The following PALM2AKAP2 variants were observed in gnomAD, a reference collection of about 807,000 sequenced individuals.
PALM2AKAP2 encodes the protein PALM2 and AKAP2 fusion.
In PALM2AKAP2, 37 loss-of-function variants were observed where a neutral mutation model predicts 71.5. That is an observed-to-expected ratio of 0.52 (90% CI 0.40 to 0.68). The LOEUF is 0.68. Among genes scored for constraint, PALM2AKAP2 ranks in the 30% least tolerant of loss-of-function variants. PALM2AKAP2 has a pLI of 0.00. For missense variants in PALM2AKAP2, 1,224 were observed against 1,191.8 expected (o/e 1.03, Z -0.40); for synonymous variants, 468 against 478.8 (o/e 0.98, Z 0.29).
chr9:109,743,639 A>G (rs1021462025), intron 1 of PALM2AKAP2, among the ~76,000 whole-genome samples: 1 of 152,218 alleles, frequency 6.6e-6, no homozygotes, highest in Non-Finnish European at 1.5e-5. Context: ...TATTTCAGGA[A>G]CCAGGAGAAA....
intron 1 of PALM2AKAP2, among the ~76,000 whole-genome samples, chr9:109,750,780 C>T (rs1040281505): frequency 6.6e-6 from 1 of 152,048 alleles, no homozygotes; most frequent in African/African-American, 2.4e-5. Flanking sequence ...AAAATGTTGG[C>T]AATCAACTTA....
chr9:110,029,242 T>A (rs1305574902), intron 7 of PALM2AKAP2, among the ~76,000 whole-genome samples: 1 of 152,232 alleles, frequency 6.6e-6, no homozygotes, highest in Non-Finnish European at 1.5e-5. Flanking sequence ...TCTGGGTATA[T>A]CATGACTTTT....
intron 1 of PALM2AKAP2, among the ~76,000 whole-genome samples, chr9:109,661,147 T>C (rs1333961719): frequency 6.6e-6 from 1 of 152,244 alleles, no homozygotes; most frequent in East Asian, 1.9e-4. Flanking sequence ...TCTTTTGCCA[T>C]GCAGAAGCTC....
chr9:109,796,033 T>G (rs1184405811), intron 1 of PALM2AKAP2, among the ~76,000 whole-genome samples: 4 of 152,234 alleles, frequency 2.6e-5, no homozygotes, highest in Non-Finnish European at 5.9e-5. Context: ...ATATTCACCA[T>G]TATCTACTCT....
At chr9:110,005,180 A>G (rs1033753959) in intron 6 of PALM2AKAP2, among the ~76,000 whole-genome samples, 13 of 151,970 alleles carry the variant, frequency 8.6e-5, no homozygotes, top group Non-Finnish European at 1.6e-4. Context: ...GTCTTTGATG[A>G]TGGTGATGTA....
intron 2 of PALM2AKAP2, 46 bp from the exon 3 acceptor site, chr9:109,880,505 G>A: frequency 6.2e-7 from 1 of 1,608,184 alleles, no homozygotes; most frequent in Non-Finnish European, 8.5e-7. Flanking sequence ...GGACAGTGTG[G>A]ACTGAAAAGT....
At chr9:109,720,945 A>C (rs1355301453) in intron 1 of PALM2AKAP2, among the ~76,000 whole-genome samples, 3 of 152,202 alleles carry the variant, frequency 2.0e-5, no homozygotes, top group Non-Finnish European at 4.4e-5. Flanking sequence ...ACTATGGCAC[A>C]TACCACCACA....
chr9:109,725,214 G>A (rs1306625543), intron 1 of PALM2AKAP2, among the ~76,000 whole-genome samples: 1 of 152,170 alleles, frequency 6.6e-6, no homozygotes, highest in Non-Finnish European at 1.5e-5. Flanking sequence ...CAATATTGGA[G>A]CTTGAGGTAA....
chr9:109,955,927 C>G (rs1831738359), intron 6 of PALM2AKAP2, among the ~76,000 whole-genome samples: 1 of 151,618 alleles, frequency 6.6e-6, no homozygotes, highest in African/African-American at 2.4e-5. Context: ...CACAGCAAGA[C>G]TCCTCTGTCT....
At chr9:109,677,954 G>A (rs1459140984) in intron 1 of PALM2AKAP2, among the ~76,000 whole-genome samples, 4 of 152,184 alleles carry the variant, frequency 2.6e-5, no homozygotes, top group South Asian at 2.1e-4. Flanking sequence ...ATTAGTACCC[G>A]ATAAACTCAT....
chr9:109,834,812 G>A (rs761507897), intron 1 of PALM2AKAP2, among the ~76,000 whole-genome samples: 3 of 152,216 alleles, frequency 2.0e-5, no homozygotes, highest in Non-Finnish European at 4.4e-5. Context: ...TTAGAGCCAC[G>A]AGAATGGACC....
chr9:109,776,159 AT>A (rs1274556292), upstream of PALM2AKAP2, among the ~76,000 whole-genome samples: 5 of 152,256 alleles, frequency 3.3e-5, no homozygotes, highest in African/African-American at 1.2e-4. Flanking sequence ...ATATAAAATA[AT>A]TATACAATAT....
chr9:110,044,793 C>T (rs1833570280), upstream of PALM2AKAP2, among the ~76,000 whole-genome samples: 1 of 151,958 alleles, frequency 6.6e-6, no homozygotes, highest in South Asian at 2.1e-4. Flanking sequence ...AGTAAATTCC[C>T]TTTTATGATG....
At chr9:109,697,038 C>G (rs146319348) in intron 1 of PALM2AKAP2, among the ~76,000 whole-genome samples, 1 of 152,100 alleles carries the variant, frequency 6.6e-6, no homozygotes, top group African/African-American at 2.4e-5. Context: ...ATATAAGATT[C>G]TCTTGAAAGC....
At chr9:110,090,240 C>T (rs1274167882) in intron 1 of PALM2AKAP2, 2 of 414,838 alleles carry the variant, frequency 4.8e-6, no homozygotes, top group South Asian at 1.8e-5. Flanking sequence ...AGTCCTGCTT[C>T]CCCTGAAATC....
intron 6 of PALM2AKAP2, among the ~76,000 whole-genome samples, chr9:109,954,555 G>T (rs1831708808): frequency 1.3e-5 from 2 of 149,618 alleles, no homozygotes; most frequent in Admixed American, 1.3e-4. Flanking sequence ...TATACCTAAT[G>T]CTAGATGACG....
chr9:109,818,129 T>C (rs1827898797), intron 1 of PALM2AKAP2, among the ~76,000 whole-genome samples: 1 of 152,230 alleles, frequency 6.6e-6, no homozygotes, highest in South Asian at 2.1e-4. Flanking sequence ...AGGCAAGGTA[T>C]TTAAAAATAG....
At chr9:110,113,735 G>T (rs193126916) in intron 1 of PALM2AKAP2, among the ~76,000 whole-genome samples, 15 of 152,206 alleles carry the variant, frequency 9.9e-5, no homozygotes, top group Non-Finnish European at 1.6e-4. Flanking sequence ...TTTTCATCAT[G>T]TTGGCCAGGC....
At chr9:109,905,231 C>T (rs138911252) in intron 3 of PALM2AKAP2, among the ~76,000 whole-genome samples, 1 of 152,316 alleles carries the variant, frequency 6.6e-6, no homozygotes, top group African/African-American at 2.4e-5. Flanking sequence ...AATAAATGTA[C>T]TGGGACAGTG....
Sources: gnomAD v4.1 joint callset for allele counts (sites outside exome capture counted in the v4.1 genomes callset) on GRCh38, gnomAD v4.1.1 for gene constraint, MANE v1.5 for transcripts, NCBI Gene and HGNC (gene_info 2026-07-23, HGNC 2026-07-21) for gene names.